The following PDE4B variants were observed in gnomAD, a reference collection of about 807,000 sequenced individuals.
The protein encoded by PDE4B is 3',5'-cyclic-AMP phosphodiesterase 4B.
In PDE4B, 20 loss-of-function variants were observed where a neutral mutation model predicts 82.2. The observed-to-expected ratio is 0.24, with a 90% CI of 0.17 to 0.35. The LOEUF (loss-of-function observed/expected upper bound fraction) is 0.35. Among genes scored for constraint, PDE4B ranks in the 10% least tolerant of loss-of-function variants. The pLI is 1.00. For missense variants in PDE4B, 655 were observed against 907.2 expected (o/e 0.72, Z 3.57); for synonymous variants, 320 against 318.9 (o/e 1.00, Z -0.04).
At chr1:66,140,210 C>T (rs976499571) in intron 3 of PDE4B, among the ~76,000 whole-genome samples, 4 of 152,036 alleles carry the variant, frequency 2.6e-5, no homozygotes, top group African/African-American at 7.2e-5. Flanking sequence ...TTTGTTAACA[C>T]GGGATTTACC....
At chr1:66,028,215 A>T (rs1320254446) in intron 3 of PDE4B, among the ~76,000 whole-genome samples, 1 of 152,226 alleles carries the variant, frequency 6.6e-6, no homozygotes, top group East Asian at 1.9e-4. Flanking sequence ...CTCTGGGCTC[A>T]ACATCAAGTG....
At chr1:66,332,205 G>C in intron 7 of PDE4B, 1 of 1,432,428 alleles carries the variant, frequency 7.0e-7, no homozygotes, top group Admixed American at 2.9e-5. Context: ...CATTTATGCA[G>C]ATGAGCTTAT....
chr1:66,240,801 A>T (rs1652833064), intron 3 of PDE4B, among the ~76,000 whole-genome samples: 1 of 146,768 alleles, frequency 6.8e-6, no homozygotes, highest in South Asian at 2.1e-4. Context: ...CTATCTCCAA[A>T]ATGTCTGCAA....
intron 3 of PDE4B, among the ~76,000 whole-genome samples, chr1:65,991,687 C>T (rs564306739): frequency 6.6e-6 from 1 of 152,290 alleles, no homozygotes; most frequent in South Asian, 2.1e-4. Context: ...TGTTAGGTTA[C>T]AGTGATCTGC....
chr1:65,971,266 T>C (rs1284156789), intron 3 of PDE4B, among the ~76,000 whole-genome samples: 3 of 152,078 alleles, frequency 2.0e-5, no homozygotes, highest in African/African-American at 7.2e-5. Flanking sequence ...TTTATAATAT[T>C]ATGACTATGT....
chr1:65,899,347 C>CGGAGAA (rs1407793970), intron 1 of PDE4B, among the ~76,000 whole-genome samples: 1 of 151,390 alleles, frequency 6.6e-6, no homozygotes, highest in African/African-American at 2.4e-5. Context: ...ATGCAGTGAA[C>CGGAGAA]GGAGAACACT....
intron 3 of PDE4B, among the ~76,000 whole-genome samples, chr1:66,141,062 T>G (rs1646160568): frequency 6.6e-6 from 1 of 152,122 alleles, no homozygotes; most frequent in Non-Finnish European, 1.5e-5. Flanking sequence ...TAAACAAAGC[T>G]AAATGTGTGT....
At chr1:66,234,480 G>A (rs1652242857) in intron 3 of PDE4B, among the ~76,000 whole-genome samples, 1 of 152,232 alleles carries the variant, frequency 6.6e-6, no homozygotes, top group Middle Eastern at 3.4e-3. Flanking sequence ...GTAGAGACAG[G>A]GTTTCACTAT....
At chr1:66,206,159 AC>A (rs1488378231) in intron 3 of PDE4B, among the ~76,000 whole-genome samples, 1 of 151,952 alleles carries the variant, frequency 6.6e-6, no homozygotes, top group Non-Finnish European at 1.5e-5. Flanking sequence ...ACTGCTAGGC[AC>A]TCTCGGACCT....
chr1:66,217,201 G>A (rs2101593302), intron 3 of PDE4B, among the ~76,000 whole-genome samples: 1 of 152,118 alleles, frequency 6.6e-6, no homozygotes, highest in South Asian at 2.1e-4. Flanking sequence ...ATTATACTTA[G>A]TCATTGTGTG....
At chr1:65,910,706 C>T (rs779052105) in intron 1 of PDE4B, among the ~76,000 whole-genome samples, 2 of 152,174 alleles carry the variant, frequency 1.3e-5, no homozygotes, top group Admixed American at 6.5e-5. Context: ...TCAAGTAGAA[C>T]GTTTTAGCCA....
At chr1:65,887,414 G>T (rs922888441) in intron 1 of PDE4B, among the ~76,000 whole-genome samples, 639 of 7,608 alleles carry the variant, frequency 0.084, 5 homozygotes, top group South Asian at 0.11. Context: ...TTTTTCTTCT[G>T]TTTTTTTTTT....
intron 3 of PDE4B, among the ~76,000 whole-genome samples, chr1:65,988,191 G>A (rs1284469072): frequency 2.0e-5 from 3 of 152,216 alleles, no homozygotes; most frequent in Non-Finnish European, 4.4e-5. Context: ...TGCAAAAAAT[G>A]TAAGTTACAT....
chr1:65,803,635 G>T (rs1645721283), intron 1 of PDE4B, among the ~76,000 whole-genome samples: 2 of 152,106 alleles, frequency 1.3e-5, no homozygotes, highest in African/African-American at 4.8e-5. Flanking sequence ...AAGTCCTTTG[G>T]GTCTCTTAAA....
chr1:66,355,486 C>G (rs112142177), intron 8 of PDE4B, 41 bp from the exon 9 acceptor site: 72 of 1,309,032 alleles, frequency 5.5e-5, no homozygotes, highest in Non-Finnish European at 7.6e-5. Context: ...AACATTTGCT[C>G]TTTTTAAAGT....
intron 1 of PDE4B, among the ~76,000 whole-genome samples, chr1:65,819,644 C>T (rs1455358116): frequency 2.0e-5 from 3 of 151,738 alleles, no homozygotes; most frequent in African/African-American, 7.3e-5. Flanking sequence ...GGACTATAGG[C>T]GCCCGCCACC....
At chr1:65,972,298 G>T (rs1222129662) in intron 3 of PDE4B, among the ~76,000 whole-genome samples, 1 of 152,114 alleles carries the variant, frequency 6.6e-6, no homozygotes, top group East Asian at 1.9e-4. Context: ...TCCTTCAAAT[G>T]GCCCACTGGG....
intron 3 of PDE4B, among the ~76,000 whole-genome samples, chr1:66,057,126 G>A (rs1465683693): frequency 2.0e-5 from 3 of 152,044 alleles, no homozygotes; most frequent in Non-Finnish European, 4.4e-5. Context: ...TTTATTTATA[G>A]GAGTCCCCAG....
chr1:65,965,551 T>G (rs1388360398), intron 3 of PDE4B, among the ~76,000 whole-genome samples: 1 of 152,028 alleles, frequency 6.6e-6, no homozygotes, highest in African/African-American at 2.4e-5. Flanking sequence ...AATGCCCTTA[T>G]TTCCCAGAAA....
Sources: gnomAD v4.1 joint callset for allele counts (sites outside exome capture counted in the v4.1 genomes callset) on GRCh38, gnomAD v4.1.1 for gene constraint, MANE v1.5 for transcripts, NCBI Gene and HGNC (gene_info 2026-07-23, HGNC 2026-07-21) for gene names.